Variants in MPP1 observed in about 807,000 individuals in gnomAD.
MPP1 encodes MAGUK p55 scaffold protein 1.
In MPP1, 6 loss-of-function variants were observed where a neutral mutation model predicts 38.2. The observed-to-expected ratio is 0.16, with a 90% CI of 0.09 to 0.31. The LOEUF (loss-of-function observed/expected upper bound fraction) is 0.31, where lower values mean the gene tolerates loss of function less well. Among genes scored for constraint, MPP1 ranks in the 10% least tolerant of loss-of-function variants. The pLI is 1.00. For missense variants in MPP1, 293 were observed against 368.9 expected (o/e 0.79, Z 1.69); for synonymous variants, 153 against 146.3 (o/e 1.05, Z -0.33).
At chrX:154,789,806 T>A in intron 5 of MPP1, 148 bp downstream of exon 5, 2 of 394,524 alleles carry the variant, frequency 5.1e-6, no homozygotes, top group Non-Finnish European at 8.7e-6. Context: ...CAGGGAATAA[T>A]GGGACCCTGA....
intron 5 of MPP1, among the ~76,000 whole-genome samples, chrX:154,787,699 T>G (rs2072094887): frequency 8.9e-6 from 1 of 111,836 alleles, no homozygotes; most frequent in African/African-American, 3.3e-5. Context: ...CTCGAACTCC[T>G]GGGCTCAAGC....
chrX:154,781,868 A>G, intron 9 of MPP1, 66 bp from the exon 10 acceptor site: 1 of 1,072,311 alleles, frequency 9.3e-7, no homozygotes, highest in South Asian at 2.0e-5. Context: ...GGCTTGGACC[A>G]TGGTGTCTGT....
At chrX:154,800,256 T>A (rs189573126) in intron 1 of MPP1, among the ~76,000 whole-genome samples, 2 of 112,270 alleles carry the variant, frequency 1.8e-5, no homozygotes, top group Non-Finnish European at 3.8e-5. Flanking sequence ...AGAAAGAGAT[T>A]AGCACTGTTT....
In MPP1 at chrX:154,783,474, T is replaced by C; in HGVS notation, c.899A>G (p.Asn300Ser). The C allele has an allele frequency of 1.7e-6, 2 of 1,210,437 alleles. No individual in the cohort carries two copies. The highest frequency in any genetic ancestry group is 2.2e-6 in the Non-Finnish European group (2 of 894,867). The change falls in exon 9 of 12, where the codon AAT (asparagine) becomes AGT (serine). Residue 300 changes from asparagine to serine, a missense_variant. Transcript: ENST00000369534. ...ASGVGRSHIK[N>S]ALLSQNPEKF... ...CTCCGGATTCTGGCTGAGCAGGGCA[T>C]TCTTAATGTGGCTGCGACCCACCCC...
rs782041042 is a variant in MPP1, at chrX:154,792,189, G to A, written c.199C>T (p.Arg67Trp). 12 of 1,210,041 alleles carry A rather than the reference G, an allele frequency of 9.9e-6. No individual in the cohort carries two copies. The highest frequency in any genetic ancestry group is 1.3e-5 in the Non-Finnish European group (12 of 895,226). ...SPAQVKGQEV[R>W]KVRLIQFEKV... ...TCAAACTGTATGAGTCGCACTTTCC[G>A]CACCTCCTGTCCCTTGACCTGGGCA... is the stretch of plus-strand genomic sequence containing the variant. The change falls in exon 2 of 12, where the codon CGG (arginine) becomes TGG (tryptophan). Residue 67 changes from arginine (R) to tryptophan (W), a missense_variant. Arg to Trp is a moderately radical substitution (Grantham distance 101). Transcript: ENST00000369534.
chrX:154,781,380 ACCTACATAG>A, intron 10 of MPP1, 67 bp from the exon 11 acceptor site: 8 of 907,384 alleles, frequency 8.8e-6, no homozygotes, highest in Non-Finnish European at 1.3e-5. Context: ...AAAAAAAAAA[ACCTACATAG>A]CTGTCATAAT....
intron 6 of MPP1, 44 bp from the exon 7 acceptor site, chrX:154,785,201 C>T (rs199717743): frequency 1.1e-6 from 1 of 915,814 alleles, no homozygotes; most frequent in Admixed American, 3.4e-5. Flanking sequence ...CCTCCCCCTC[C>T]CCTCATACCC....
chrX:154,786,484 G>T, intron 5 of MPP1, 84 bp from the exon 6 acceptor site: 1 of 894,164 alleles, frequency 1.1e-6, no homozygotes, highest in East Asian at 3.1e-5. Flanking sequence ...AGACAAATGG[G>T]GTCAGGATGG....
intron 1 of MPP1, among the ~76,000 whole-genome samples, chrX:154,802,345 G>A (rs781938972): frequency 5.4e-5 from 6 of 111,988 alleles, no homozygotes; most frequent in African/African-American, 1.6e-4. Context: ...ACAACACTGC[G>A]TCACACTCAG....
At chrX:154,796,002 G>T (rs1380810170) in intron 1 of MPP1, among the ~76,000 whole-genome samples, 1 of 105,244 alleles carries the variant, frequency 9.5e-6, no homozygotes, top group Non-Finnish European at 2.0e-5. Context: ...GTACTTGTGT[G>T]GATCTTGTCC....
chrX:154,805,469 G>A lies in MPP1; in HGVS notation c.-96C>T, dbSNP rs2072312687. 2 of 888,596 alleles carry A rather than the reference G, an allele frequency of 2.3e-6. No homozygotes were observed. The highest frequency in any genetic ancestry group is 3.6e-5 in the East Asian group (1 of 27,650). 73.2% of individuals were successfully genotyped at this position (888,596 alleles called of 1,213,427 possible). On this transcript the variant is annotated 5_prime_UTR_variant, in exon 1 of 12. Transcript: ENST00000369534. Reference sequence around the variant, plus strand: ...GGCTGCGGAGAAGGCGGGAGACGCGGTGCGGCTGGGCCAGTCACCGCCCCG... The same window carrying A: ...GGCTGCGGAGAAGGCGGGAGACGCGATGCGGCTGGGCCAGTCACCGCCCCG...
intron 7 of MPP1, 51 bp downstream of exon 7, chrX:154,785,000 A>G (rs918293099): frequency 9.1e-7 from 1 of 1,103,192 alleles, no homozygotes; most frequent in Non-Finnish European, 1.3e-6. Flanking sequence ...GAGACTGGGA[A>G]ACACGTGAAT....
chrX:154,791,157 C>A, intron 3 of MPP1, 89 bp from the exon 4 acceptor site: 1 of 717,471 alleles, frequency 1.4e-6, no homozygotes, highest in Non-Finnish European at 2.1e-6. Flanking sequence ...GAAGAGAAAC[C>A]AGGATTTACA....
intron 1 of MPP1, among the ~76,000 whole-genome samples, chrX:154,800,200 G>A (rs1255727376): frequency 8.9e-6 from 1 of 112,190 alleles, no homozygotes; most frequent in Non-Finnish European, 1.9e-5. Context: ...TCCACTTTGG[G>A]AAAAAACAAG....
intron 5 of MPP1, among the ~76,000 whole-genome samples, chrX:154,789,061 G>GCACC (rs2072112056): frequency 9.0e-6 from 1 of 111,636 alleles, no homozygotes; most frequent in African/African-American, 3.3e-5. Flanking sequence ...GCGGTCTTAG[G>GCACC]CATGGGTGTA....
intron 1 of MPP1, among the ~76,000 whole-genome samples, chrX:154,803,313 C>A (rs782194906): frequency 8.9e-6 from 1 of 112,622 alleles, no homozygotes; most frequent in African/African-American, 3.2e-5. Flanking sequence ...CAGCTGGATA[C>A]TATTTCATTC....
At chrX:154,786,895 CAAAAAAAAAAAAAAA>C (rs782470556) in intron 5 of MPP1, among the ~76,000 whole-genome samples, 3 of 25,591 alleles carry the variant, frequency 1.2e-4, no homozygotes, top group African/African-American at 2.3e-4. Flanking sequence ...GACTCCGTCT[CAAAAAAAAAAAAAAA>C]AAAAAAAAAA....
chrX:154,798,938 T>C (rs2072231090), intron 1 of MPP1, among the ~76,000 whole-genome samples: 1 of 110,923 alleles, frequency 9.0e-6, no homozygotes, highest in Non-Finnish European at 1.9e-5. Context: ...TTCTCCGCAT[T>C]GGCCAGGCTG....
intron 9 of MPP1, 69 bp from the exon 10 acceptor site, chrX:154,781,871 G>C (rs1434226925): frequency 9.5e-7 from 1 of 1,048,183 alleles, no homozygotes; most frequent in Non-Finnish European, 1.3e-6. Flanking sequence ...TTGGACCATG[G>C]TGTCTGTATG....
Sources: gnomAD v4.1 joint callset for allele counts (sites outside exome capture counted in the v4.1 genomes callset) on GRCh38, gnomAD v4.1.1 for gene constraint, MANE v1.5 for transcripts, NCBI Gene and HGNC (gene_info 2026-07-23, HGNC 2026-07-21) for gene names.